Variants in LUZP1 observed in about 807,000 individuals in gnomAD.
LUZP1 encodes leucine zipper protein 1, also known as filamin mechanobinding actin cross-linking protein.
Under a neutral mutation model 71.3 loss-of-function variants are expected in LUZP1, and 25 were observed. That is an observed-to-expected ratio of 0.35 (90% CI 0.26 to 0.49). The LOEUF (loss-of-function observed/expected upper bound fraction) is 0.49. Among genes scored for constraint, LUZP1 ranks in the 20% least tolerant of loss-of-function variants. The probability of loss-of-function intolerance (pLI) is 0.99; values close to 1 mark genes in which losing one functional copy is unlikely to be tolerated. For synonymous variants in LUZP1, 481 were observed against 506.4 expected, an observed-to-expected ratio of 0.95 and a Z score of 0.67; for missense variants, 1,142 against 1,300.8, an observed-to-expected ratio of 0.88 and a Z score of 1.88.
intron 2 of LUZP1, among the ~76,000 whole-genome samples, chr1:23,145,346 T>C (rs143490444): frequency 1.3e-5 from 2 of 152,232 alleles, no homozygotes; most frequent in African/African-American, 4.8e-5. Context: ...TTGAAAAACT[T>C]AAAAGCATAA....
intron 2 of LUZP1, among the ~76,000 whole-genome samples, chr1:23,156,934 C>G (rs1225627604): frequency 6.6e-6 from 1 of 152,218 alleles, no homozygotes; most frequent in African/African-American, 2.4e-5. Context: ...AGCACCTGCA[C>G]AATGATGACT....
chr1:23,129,041 A>G (rs970832305), intron 2 of LUZP1, among the ~76,000 whole-genome samples: 1 of 152,236 alleles, frequency 6.6e-6, no homozygotes, highest in Non-Finnish European at 1.5e-5. Flanking sequence ...ATCACTCCTA[A>G]TGAATGTCAC....
chr1:23,158,795 C>T (rs1209386931), intron 2 of LUZP1, among the ~76,000 whole-genome samples: 2 of 150,312 alleles, frequency 1.3e-5, no homozygotes, highest in Non-Finnish European at 3.0e-5. Flanking sequence ...GGTGAAACAC[C>T]GTCTCTACTA....
intron 2 of LUZP1, among the ~76,000 whole-genome samples, chr1:23,131,771 C>T (rs1644217460): frequency 6.6e-6 from 1 of 152,154 alleles, no homozygotes; most frequent in South Asian, 2.1e-4. Flanking sequence ...CCGCAACCTC[C>T]ACCTCCTGGG....
At chr1:23,103,831 AGAGGGAGAGAGGGAGGGAGGGAGGGAGG>A (rs1557641030) in intron 3 of LUZP1, among the ~76,000 whole-genome samples, 15 of 58,280 alleles carry the variant, frequency 2.6e-4, no homozygotes, top group African/African-American at 1.1e-3. Context: ...AGGGAGGAAG[AGAGGGAGAGAGGGAGGGAGGGAGGGAGG>A]GAGGGAGGGA....
exon 4 of LUZP1, chr1:23,091,341 C>T (rs772128155): frequency 1.2e-6 from 2 of 1,614,122 alleles, no homozygotes; most frequent in Admixed American, 3.3e-5. Flanking sequence ...CCTTCGAGTG[C>T]CCTGCTCAAA....
At chr1:23,162,550 T>C (rs1018973900) in intron 2 of LUZP1, among the ~76,000 whole-genome samples, 2 of 152,096 alleles carry the variant, frequency 1.3e-5, no homozygotes, top group African/African-American at 2.4e-5. Context: ...GCCATTCTCC[T>C]GCCTCAGCCT....
At chr1:23,163,797 G>A (rs1413538942) in intron 2 of LUZP1, among the ~76,000 whole-genome samples, 1 of 152,070 alleles carries the variant, frequency 6.6e-6, no homozygotes, top group Non-Finnish European at 1.5e-5. Flanking sequence ...TAATGACATA[G>A]ACCCCAAACC....
At position 23,116,752 on chromosome 1, in the gene LUZP1, T is replaced by A. The variant is rs1018879055; in HGVS notation, c.-225-7625A>T. Among the ~76,000 whole-genome samples the A allele has an allele frequency of 2.6e-5, 4 of 152,326 alleles. No individual in the cohort carries two copies. In the East Asian group the frequency reaches 5.8e-4, roughly 22 times the overall value. ...TACTATCCTAGCACTGTCTGTCACA[T>A]GTACGAGCTGCAAGTCTTAGGAGGT... On this transcript the variant is annotated intron_variant, in intron 2 of 4. Transcript: ENST00000302291.
intron 3 of LUZP1, among the ~76,000 whole-genome samples, chr1:23,100,060 T>C (rs1643919010): frequency 6.6e-6 from 1 of 152,216 alleles, no homozygotes; most frequent in African/African-American, 2.4e-5. Flanking sequence ...CTCTCTTTTT[T>C]GCTTTCACAG....
intron 2 of LUZP1, among the ~76,000 whole-genome samples, chr1:23,120,824 C>G (rs1420578029): frequency 1.3e-5 from 2 of 152,138 alleles, no homozygotes; most frequent in African/African-American, 4.8e-5. Context: ...AAGCTGATAT[C>G]AACTAAAGGA....
At chr1:23,090,683 G>A (rs550497330) in intron 4 of LUZP1, 5 of 604,280 alleles carry the variant, frequency 8.3e-6, no homozygotes, top group Non-Finnish European at 1.5e-5. Context: ...TAGGCCCAGT[G>A]TAAGCCCCGG....
Position 23,158,190 on chromosome 1 carries a change from C to T in LUZP1, c.-226+10576G>A, listed in dbSNP as rs149419357. 2.9e-3 allele frequency among the ~76,000 whole-genome samples: 435 copies of T among 152,334 alleles called. 1 individual carries two copies. The highest frequency in any genetic ancestry group is 0.02 in the Middle Eastern group (6 of 294). On this transcript the variant is annotated intron_variant, in intron 2 of 4. Transcript: ENST00000302291. ...TCTAATTTAAACATTTAAACTCATACTTCCATTATATTTGCTTCCAGAGTG... is the reference window on the plus strand; with the variant it reads ...TCTAATTTAAACATTTAAACTCATATTTCCATTATATTTGCTTCCAGAGTG...
At chr1:23,146,156 G>T (rs1286001966) in intron 2 of LUZP1, among the ~76,000 whole-genome samples, 1 of 151,884 alleles carries the variant, frequency 6.6e-6, no homozygotes, top group Non-Finnish European at 1.5e-5. Context: ...TCAGCTTCTC[G>T]AGTAGCTGGG....
At chr1:23,165,568 C>T (rs1360919978) in intron 2 of LUZP1, among the ~76,000 whole-genome samples, 1 of 151,752 alleles carries the variant, frequency 6.6e-6, no homozygotes, top group African/African-American at 2.4e-5. Flanking sequence ...CCCAGCTTCT[C>T]AGAAGGCTGA....
chr1:23,146,540 G>C (rs2124719807), intron 2 of LUZP1, among the ~76,000 whole-genome samples: 1 of 152,310 alleles, frequency 6.6e-6, no homozygotes, highest in East Asian at 1.9e-4. Context: ...CCTCACACCT[G>C]CAATGCCAGC....
chr1:23,146,427 G>A (rs190902645), intron 2 of LUZP1, among the ~76,000 whole-genome samples: 27 of 152,306 alleles, frequency 1.8e-4, no homozygotes, highest in Middle Eastern at 3.4e-3. Context: ...CTTAATAGCC[G>A]TATGGACAAG....
At position 23,155,405 on chromosome 1, in the gene LUZP1, C is replaced by T. The variant is rs146069120; in HGVS notation, c.-226+13361G>A. Reference sequence around the variant, plus strand: ...AAACAATGTAATGTTCAAGAGTAAACTCAAGGTCAAATCCTAGCTTGGCAC... The same window carrying T: ...AAACAATGTAATGTTCAAGAGTAAATTCAAGGTCAAATCCTAGCTTGGCAC... On this transcript the variant is annotated intron_variant, in intron 2 of 4. Coordinates refer to ENST00000302291, the Ensembl canonical transcript of LUZP1. Among the ~76,000 whole-genome samples, 3 of 152,334 alleles carry T rather than the reference C, an allele frequency of 2.0e-5. No individual in the cohort carries two copies. The East Asian group carries it at 5.8e-4, about 29-fold the overall frequency.
At chr1:23,142,546 A>C (rs1488490079) in intron 2 of LUZP1, among the ~76,000 whole-genome samples, 1 of 151,992 alleles carries the variant, frequency 6.6e-6, no homozygotes, top group African/African-American at 2.4e-5. Flanking sequence ...GCCTCGGGAT[A>C]ATCTGAGTTC....
Sources: allele counts gnomAD v4.1 joint callset (sites outside exome capture counted in the v4.1 genomes callset), GRCh38; gene constraint gnomAD v4.1.1; transcripts MANE v1.5; gene names NCBI Gene and HGNC (gene_info 2026-07-23, HGNC 2026-07-21).